The following LTBP1 variants were observed in gnomAD, a reference collection of about 807,000 sequenced individuals.
LTBP1 encodes the protein latent-transforming growth factor beta-binding protein 1.
A neutral mutation model predicts 207.6 loss-of-function variants in LTBP1; 129 were observed. That is an observed-to-expected ratio of 0.62 (90% CI 0.54 to 0.72). The LOEUF (loss-of-function observed/expected upper bound fraction) is 0.72, where lower values mean the gene tolerates loss of function less well. Ranked by LOEUF, LTBP1 falls within the 30% of genes least tolerant of loss-of-function variation. The pLI is 0.00. For synonymous variants in LTBP1, 963 were observed against 833.7 expected, an observed-to-expected ratio of 1.16 and a Z score of -2.67; for missense variants, 2,281 against 2,217.2, an observed-to-expected ratio of 1.03 and a Z score of -0.58.
intron 11 of LTBP1, among the ~76,000 whole-genome samples, chr2:33,255,365 C>G (rs2092821439): frequency 6.6e-6 from 1 of 151,806 alleles, no homozygotes; most frequent in Admixed American, 6.6e-5. Context: ...GAAATAGGAA[C>G]ACTCTTACAC....
chr2:33,277,006 C>T (rs1009373718), intron 18 of LTBP1, among the ~76,000 whole-genome samples: 3 of 152,128 alleles, frequency 2.0e-5, no homozygotes, highest in African/African-American at 7.2e-5. Context: ...GGTGCTGGTT[C>T]CTTGGGGTTC....
At chr2:33,026,932 C>G (rs978703504) in intron 3 of LTBP1, among the ~76,000 whole-genome samples, 18 of 152,210 alleles carry the variant, frequency 1.2e-4, no homozygotes, top group Admixed American at 7.9e-4. Context: ...TTCTTAGACT[C>G]AGCCATCTTC....
chr2:33,200,323 A>G (rs190365255), intron 7 of LTBP1, among the ~76,000 whole-genome samples: 1 of 152,226 alleles, frequency 6.6e-6, no homozygotes, highest in African/African-American at 2.4e-5. Context: ...ATAATGCCAC[A>G]TATCTACAAC....
chr2:33,293,213 C>G lies in LTBP1; in HGVS notation c.3166C>G (p.Leu1056Val). ...CTGCGCAAATGGTGATTGTTCCAAC[C>G]TTGAAGGCTCCTACATGTGTTCATG... ...NVCANGDCSN[L>V]EGSYMCSCHK... The change falls in exon 20 of 34, where the codon CTT becomes GTT. Residue 1056 changes from leucine to valine, a missense_variant. Around this residue, in one of 3 missense-constraint regions of LTBP1, gnomAD observed 1,671 missense variants for 1,634.8 expected, o/e 1.02. Coordinates refer to ENST00000404816, the MANE Select transcript of LTBP1 (RefSeq NM_206943.4). The G allele has an allele frequency of 6.2e-7, 1 of 1,614,072 alleles. No individual in the cohort carries two copies. The highest frequency in any genetic ancestry group is 1.7e-4 in the Middle Eastern group (1 of 6,060).
At position 33,358,063 on chromosome 2, in the gene LTBP1, T is replaced by A. The variant is rs547510748; in HGVS notation, c.4001-2534T>A. On this transcript the variant is annotated intron_variant, in intron 26 of 33. Transcript: ENST00000404816. ...TTAAAGACTAGGAAGATAGGGAAAT[T>A]GTAGCTTTTCCCAGAATGACCTTTG... 1.1e-4 allele frequency among the ~76,000 whole-genome samples: 16 copies of A among 152,262 alleles called. No individual in the cohort carries two copies. In the East Asian group the frequency reaches 3.1e-3, roughly 29 times the overall value.
At chr2:33,163,992 A>T (rs1024458421) in intron 5 of LTBP1, among the ~76,000 whole-genome samples, 1 of 151,892 alleles carries the variant, frequency 6.6e-6, no homozygotes, top group Non-Finnish European at 1.5e-5. Context: ...TAATATGTCT[A>T]GTAAAAGTCA....
At chr2:33,198,255 ATCATGG>A (rs1558798311) in intron 7 of LTBP1, among the ~76,000 whole-genome samples, 73 of 152,272 alleles carry the variant, frequency 4.8e-4, no homozygotes, top group African/African-American at 1.4e-3. Context: ...AGCCCACTTG[ATCATGG>A]TGGATAAGCT....
At chr2:33,348,378 G>A (rs529374781) in intron 26 of LTBP1, among the ~76,000 whole-genome samples, 1 of 152,120 alleles carries the variant, frequency 6.6e-6, no homozygotes, top group African/African-American at 2.4e-5. Context: ...ATATAGAAAG[G>A]TGAAGGGTAT....
At chr2:33,223,707 G>GT (rs1421027539) in intron 9 of LTBP1, among the ~76,000 whole-genome samples, 2 of 152,166 alleles carry the variant, frequency 1.3e-5, no homozygotes, top group Non-Finnish European at 2.9e-5. Context: ...GGCAGTGGAA[G>GT]TAACAACCTT....
chr2:32,950,088 A>C (rs1247110910), intron 2 of LTBP1, among the ~76,000 whole-genome samples: 1 of 152,142 alleles, frequency 6.6e-6, no homozygotes, highest in Non-Finnish European at 1.5e-5. Flanking sequence ...ACTTGTCAGA[A>C]ATGTGTTAGC....
rs549022386 is a variant in LTBP1, at chr2:32,987,039, G to C, written c.566-33870G>C. 3.3e-5 allele frequency among the ~76,000 whole-genome samples: 5 copies of C among 152,250 alleles called. No individual in the cohort carries two copies. The Middle Eastern group carries it at 0.014, about 414-fold the overall frequency. On this transcript the variant is annotated intron_variant, in intron 2 of 33. Coordinates refer to ENST00000404816, the MANE Select transcript of LTBP1 (RefSeq NM_206943.4). ...GGGCTAGCCCCATGTAGCTCTTATG[G>C]ACTGTGGGTGCATTGTGGAATGGGA...
intron 31 of LTBP1, among the ~76,000 whole-genome samples, chr2:33,381,752 T>G (rs180725240): frequency 6.6e-6 from 1 of 152,112 alleles, no homozygotes; most frequent in Admixed American, 6.6e-5. Flanking sequence ...GTCTAGGGAG[T>G]GTATTTAATA....
intron 1 of LTBP1, among the ~76,000 whole-genome samples, chr2:32,948,641 G>A (rs112770571): frequency 1.9e-4 from 29 of 152,170 alleles, no homozygotes; most frequent in African/African-American, 6.5e-4. Flanking sequence ...TTCCTGTATA[G>A]CCCTAGGTTT....
At chr2:33,319,327 G>A (rs2094319386) in intron 24 of LTBP1, among the ~76,000 whole-genome samples, 2 of 152,120 alleles carry the variant, frequency 1.3e-5, no homozygotes, top group East Asian at 3.9e-4. Context: ...GTACCCAGGA[G>A]GCAGAGGTTG....
intron 5 of LTBP1, among the ~76,000 whole-genome samples, chr2:33,173,702 A>G (rs1270134998): frequency 4.6e-5 from 7 of 150,966 alleles, no homozygotes; most frequent in South Asian, 4.2e-4. Flanking sequence ...GACACAACCA[A>G]AAAAGAGAAT....
At chr2:33,339,651 C>CT (rs796627740) in intron 24 of LTBP1, among the ~76,000 whole-genome samples, 57 of 145,240 alleles carry the variant, frequency 3.9e-4, no homozygotes, top group South Asian at 4.4e-4. Flanking sequence ...TTGATTTGTC[C>CT]TTTTTTTTTT....
intron 2 of LTBP1, among the ~76,000 whole-genome samples, chr2:32,953,052 C>G (rs1677430013): frequency 6.6e-6 from 1 of 152,240 alleles, no homozygotes; most frequent in Non-Finnish European, 1.5e-5. Flanking sequence ...CATCAAATGA[C>G]TTGTTCTCTC....
intron 7 of LTBP1, among the ~76,000 whole-genome samples, chr2:33,196,119 C>T (rs1018310745): frequency 1.3e-5 from 2 of 152,132 alleles, no homozygotes; most frequent in Non-Finnish European, 2.9e-5. Flanking sequence ...TCATGTGAGT[C>T]GCTTTATTGT....
chr2:33,008,912 G>A (rs568035244), intron 2 of LTBP1, among the ~76,000 whole-genome samples: 2 of 152,340 alleles, frequency 1.3e-5, no homozygotes, highest in African/African-American at 4.8e-5. Flanking sequence ...GCCCTGTGAT[G>A]GAAGCAGGCT....
Sources: allele counts gnomAD v4.1 joint callset (sites outside exome capture counted in the v4.1 genomes callset), GRCh38; gene constraint gnomAD v4.1.1; regional missense constraint gnomAD v4.1.1; transcripts MANE v1.5; gene names NCBI Gene and HGNC (gene_info 2026-07-23, HGNC 2026-07-21).